Variants in ADGRB3 observed in about 807,000 individuals in gnomAD.
ADGRB3 encodes adhesion G protein-coupled receptor B3.
A neutral mutation model predicts 193.4 loss-of-function variants in ADGRB3; 37 were observed. The ratio of observed to expected loss-of-function variants is 0.19; its 90% CI spans 0.15 to 0.25. ADGRB3 has a LOEUF of 0.25. ADGRB3 is among the 10% of genes least tolerant of loss of function. The pLI is 1.00. For missense variants in ADGRB3, 1,637 were observed against 1,852.9 expected (o/e 0.88, Z 2.14); for synonymous variants, 690 against 644.2 (o/e 1.07, Z -1.08).
intron 17 of ADGRB3, among the ~76,000 whole-genome samples, chr6:69,136,981 C>G (rs932740827): frequency 6.6e-6 from 1 of 151,432 alleles, no homozygotes; most frequent in South Asian, 2.1e-4. Flanking sequence ...TTTTAAAAAT[C>G]GTATCTTTTT....
At chr6:69,290,174 G>A (rs1211117645) in intron 20 of ADGRB3, among the ~76,000 whole-genome samples, 1 of 152,032 alleles carries the variant, frequency 6.6e-6, no homozygotes, top group Non-Finnish European at 1.5e-5. Flanking sequence ...ATATAACTGA[G>A]TGATTATAGA....
At chr6:68,716,701 C>A (rs1410850302) in intron 3 of ADGRB3, among the ~76,000 whole-genome samples, 2 of 151,644 alleles carry the variant, frequency 1.3e-5, no homozygotes, top group Admixed American at 1.3e-4. Flanking sequence ...CCCTTGCCCA[C>A]TTCTTACCTT....
At chr6:69,152,955 T>C (rs1218493473) in intron 17 of ADGRB3, among the ~76,000 whole-genome samples, 2 of 152,196 alleles carry the variant, frequency 1.3e-5, no homozygotes, top group East Asian at 3.9e-4. Flanking sequence ...ATCTCACTTA[T>C]TTTCTAGTAA....
chr6:68,647,935 A>G (rs1397124171), intron 3 of ADGRB3, among the ~76,000 whole-genome samples: 1 of 152,168 alleles, frequency 6.6e-6, no homozygotes, highest in Non-Finnish European at 1.5e-5. Flanking sequence ...CAATGCTTAC[A>G]TAATTAGATA....
intron 3 of ADGRB3, among the ~76,000 whole-genome samples, chr6:68,781,712 C>G (rs1301624949): frequency 6.6e-6 from 1 of 151,900 alleles, no homozygotes; most frequent in Non-Finnish European, 1.5e-5. Context: ...AGGTTAACCA[C>G]CAACAGAAGC....
chr6:68,705,459 T>G (rs1765309081), intron 3 of ADGRB3, among the ~76,000 whole-genome samples: 1 of 152,200 alleles, frequency 6.6e-6, no homozygotes, highest in Non-Finnish European at 1.5e-5. Context: ...CAGGATCTCC[T>G]CCTTTCCTTT....
intron 17 of ADGRB3, among the ~76,000 whole-genome samples, chr6:69,171,658 A>G (rs2150348055): frequency 6.6e-6 from 1 of 152,314 alleles, no homozygotes; most frequent in South Asian, 2.1e-4. Context: ...AAACAACCTG[A>G]GGTGACTCAA....
At chr6:68,749,530 A>G (rs1379236457) in intron 3 of ADGRB3, among the ~76,000 whole-genome samples, 1 of 151,848 alleles carries the variant, frequency 6.6e-6, no homozygotes, top group Non-Finnish European at 1.5e-5. Context: ...AATTTGTCCC[A>G]TATTCTAATG....
At chr6:69,219,737 G>A (rs774448789) in intron 17 of ADGRB3, among the ~76,000 whole-genome samples, 13 of 151,412 alleles carry the variant, frequency 8.6e-5, no homozygotes, top group Non-Finnish European at 1.5e-4. Flanking sequence ...GTATCTATGT[G>A]GATTATTAAT....
intron 3 of ADGRB3, among the ~76,000 whole-genome samples, chr6:68,916,860 G>A (rs538906303): frequency 1.3e-5 from 2 of 152,208 alleles, no homozygotes; most frequent in African/African-American, 4.8e-5. Context: ...AGATTCTACT[G>A]GGCTTTTTCA....
In ADGRB3 at chr6:69,057,260, G is replaced by T. The variant is rs189818403; in HGVS notation, c.2334-5674G>T. 1.2e-3 allele frequency among the ~76,000 whole-genome samples: 190 copies of T among 152,142 alleles called. 1 individual carries two copies. The highest frequency in any genetic ancestry group is 4.5e-3 in the African/African-American group (187 of 41,554). ...TTTTCTTGCATTCTGCAACTTCACT[G>T]AATTTGTTCTTTAATTATAACAAGA... On this transcript the variant is annotated intron_variant, in intron 15 of 31. Transcript: ENST00000370598.
chr6:68,779,228 T>TTGTGTG (rs758753009), intron 3 of ADGRB3, among the ~76,000 whole-genome samples: 8 of 93,292 alleles, frequency 8.6e-5, no homozygotes, highest in African/African-American at 3.1e-4. Flanking sequence ...TATGTATATA[T>TTGTGTG]TATGTGTGTG....
chr6:68,994,560 G>A (rs528585489), intron 11 of ADGRB3, among the ~76,000 whole-genome samples: 8 of 152,128 alleles, frequency 5.3e-5, no homozygotes, highest in Non-Finnish European at 8.8e-5. Context: ...TAAAGTTTAA[G>A]TACTCACCCA....
intron 20 of ADGRB3, among the ~76,000 whole-genome samples, chr6:69,248,242 G>A (rs1254019660): frequency 6.6e-6 from 1 of 152,122 alleles, no homozygotes; most frequent in Non-Finnish European, 1.5e-5. Context: ...TCATGTTGGA[G>A]TATAGCTGAT....
intron 3 of ADGRB3, among the ~76,000 whole-genome samples, chr6:68,875,806 A>G (rs573258821): frequency 9.6e-4 from 146 of 152,190 alleles, no homozygotes; most frequent in Middle Eastern, 6.8e-3. Context: ...TTTCCTGAGA[A>G]TGTATTATTA....
At chr6:69,241,208 T>C (rs1172672237) in intron 20 of ADGRB3, among the ~76,000 whole-genome samples, 1 of 151,876 alleles carries the variant, frequency 6.6e-6, no homozygotes, top group African/African-American at 2.4e-5. Flanking sequence ...AGAAATGCAA[T>C]GCAAGACACA....
intron 31 of ADGRB3, 56 bp downstream of exon 31, chr6:69,382,991 T>C (rs1007211449): frequency 3.0e-5 from 37 of 1,244,956 alleles, no homozygotes; most frequent in African/African-American, 4.6e-5. Flanking sequence ...CAGATATTAT[T>C]CCTGCCTTCC....
chr6:69,102,522 G>A (rs1046170704), intron 17 of ADGRB3, among the ~76,000 whole-genome samples: 2 of 152,156 alleles, frequency 1.3e-5, no homozygotes, highest in African/African-American at 4.8e-5. Flanking sequence ...CATGGCATTA[G>A]GGATCAGGGG....
At chr6:69,312,943 C>T (rs921059638) in intron 20 of ADGRB3, among the ~76,000 whole-genome samples, 6 of 151,694 alleles carry the variant, frequency 4.0e-5, no homozygotes, top group Non-Finnish European at 8.8e-5. Flanking sequence ...TTGAGATTTG[C>T]CAAGAACTAA....
Sources: allele counts gnomAD v4.1 joint callset (sites outside exome capture counted in the v4.1 genomes callset), GRCh38; gene constraint gnomAD v4.1.1; transcripts MANE v1.5; gene names NCBI Gene and HGNC (gene_info 2026-07-23, HGNC 2026-07-21).